The following PRRX1 variants were observed in gnomAD, a reference collection of about 807,000 sequenced individuals.
PRRX1 encodes paired mesoderm homeobox protein 1.
PRRX1 carries 8 observed loss-of-function variants against 24.0 expected under a neutral mutation model. The ratio of observed to expected loss-of-function variants is 0.33; its 90% CI spans 0.20 to 0.60. PRRX1 has a LOEUF of 0.60. Among genes scored for constraint, PRRX1 ranks in the 20% least tolerant of loss-of-function variants. The probability of loss-of-function intolerance (pLI) is 0.82; values close to 1 mark genes in which losing one functional copy is unlikely to be tolerated. For synonymous variants in PRRX1, 160 were observed against 131.7 expected (o/e 1.22, Z -1.47); for missense variants, 281 against 322.4 (o/e 0.87, Z 0.98).
intron 1 of PRRX1, among the ~76,000 whole-genome samples, chr1:170,715,093 A>G (rs1046344890): frequency 6.6e-6 from 1 of 152,156 alleles, no homozygotes; most frequent in Admixed American, 6.5e-5. Context: ...TCAGACCACA[A>G]GGCTTTTTCC....
intron 1 of PRRX1, among the ~76,000 whole-genome samples, chr1:170,700,106 C>T (rs1414235390): frequency 6.6e-6 from 1 of 152,146 alleles, no homozygotes; most frequent in African/African-American, 2.4e-5. Context: ...TAAAAATGTC[C>T]TATGGCCTCC....
chr1:170,729,819 C>T (rs1655371397), intron 3 of PRRX1, among the ~76,000 whole-genome samples: 1 of 152,168 alleles, frequency 6.6e-6, no homozygotes, highest in South Asian at 2.1e-4. Context: ...TTAAAGGAAG[C>T]TTGTTTTTGG....
intron 1 of PRRX1, among the ~76,000 whole-genome samples, chr1:170,714,717 T>C (rs1036365823): frequency 1.4e-4 from 21 of 152,192 alleles, no homozygotes; most frequent in Non-Finnish European, 2.6e-4. Context: ...GATCACCACA[T>C]GCTGTCAGGT....
chr1:170,702,291 G>C (rs1053834319), intron 1 of PRRX1, among the ~76,000 whole-genome samples: 6 of 152,168 alleles, frequency 3.9e-5, no homozygotes, highest in African/African-American at 1.4e-4. Flanking sequence ...TTGGAGACTA[G>C]AACACTAGTT....
At chr1:170,702,297 T>C (rs1009595645) in intron 1 of PRRX1, among the ~76,000 whole-genome samples, 1 of 152,160 alleles carries the variant, frequency 6.6e-6, no homozygotes, top group Non-Finnish European at 1.5e-5. Flanking sequence ...ACTAGAACAC[T>C]AGTTGGAACT....
At chr1:170,699,693 A>G (rs1180184163) in intron 1 of PRRX1, among the ~76,000 whole-genome samples, 3 of 152,116 alleles carry the variant, frequency 2.0e-5, no homozygotes, top group Non-Finnish European at 2.9e-5. Flanking sequence ...AATGAAACAA[A>G]GCAACACAAA....
chr1:170,697,949 A>G (rs940644400), intron 1 of PRRX1, among the ~76,000 whole-genome samples: 5 of 151,356 alleles, frequency 3.3e-5, no homozygotes, highest in Non-Finnish European at 7.4e-5. Context: ...CATAATTTTT[A>G]ATACTGCATA....
intron 1 of PRRX1, among the ~76,000 whole-genome samples, chr1:170,674,799 G>A (rs1653259571): frequency 6.6e-6 from 1 of 151,654 alleles, no homozygotes; most frequent in Non-Finnish European, 1.5e-5. Context: ...TGTAATACAT[G>A]TTCATTTTTG....
Position 170,664,317 on chromosome 1 carries a change from C to T in PRRX1, c.99C>T (p.Asn33=). 1.9e-6 allele frequency: 3 copies of T among 1,613,930 alleles called. No individual in the cohort carries two copies. The highest frequency in any genetic ancestry group is 2.5e-6 in the Non-Finnish European group (3 of 1,179,934). ...GNLDTLQAKK[N]FSVSHLLDLE... is the part of the protein sequence containing the mutation. ...TCGACACCCTGCAGGCGAAAAAGAACTTCTCCGTCAGTCACCTGCTAGACC... is the reference window on the plus strand; with the variant it reads ...TCGACACCCTGCAGGCGAAAAAGAATTTCTCCGTCAGTCACCTGCTAGACC... Residue 33 remains asparagine, a synonymous_variant, in exon 1 of 4, where the codon AAC becomes AAT. Transcript: ENST00000239461.
At chr1:170,693,000 C>A (rs192408482) in intron 1 of PRRX1, among the ~76,000 whole-genome samples, 1 of 152,008 alleles carries the variant, frequency 6.6e-6, no homozygotes, top group African/African-American at 2.4e-5. Context: ...ATGTTAACAC[C>A]AGCATCTTGA....
chr1:170,733,751 C>CT (rs1265619879), intron 3 of PRRX1, among the ~76,000 whole-genome samples: 4 of 152,078 alleles, frequency 2.6e-5, no homozygotes, highest in Admixed American at 6.6e-5. Flanking sequence ...ATCCAATAGT[C>CT]TTTTTTTCTC....
At chr1:170,729,945 TGCTTCG>T (rs141513114) in intron 3 of PRRX1, among the ~76,000 whole-genome samples, 38 of 152,364 alleles carry the variant, frequency 2.5e-4, no homozygotes, top group African/African-American at 8.7e-4. Context: ...CTTTGCTTCG[TGCTTCG>T]TGGGTAGCAG....
chr1:170,734,166 A>C (rs1405844130), intron 3 of PRRX1, among the ~76,000 whole-genome samples: 2 of 152,032 alleles, frequency 1.3e-5, no homozygotes, highest in East Asian at 3.9e-4. Flanking sequence ...CCTTTCTATT[A>C]AGATAGTAAA....
At chr1:170,714,729 C>A (rs1390354386) in intron 1 of PRRX1, among the ~76,000 whole-genome samples, 1 of 152,072 alleles carries the variant, frequency 6.6e-6, no homozygotes, top group Non-Finnish European at 1.5e-5. Context: ...CTGTCAGGTC[C>A]CCATGCTTGA....
chr1:170,695,462 T>G (rs1654136640), intron 1 of PRRX1, among the ~76,000 whole-genome samples: 1 of 152,208 alleles, frequency 6.6e-6, no homozygotes, highest in African/African-American at 2.4e-5. Context: ...GTCATTTGTC[T>G]GTTGACATAC....
intron 1 of PRRX1, among the ~76,000 whole-genome samples, chr1:170,708,023 G>C (rs759071385): frequency 6.6e-6 from 1 of 152,060 alleles, no homozygotes; most frequent in Non-Finnish European, 1.5e-5. Context: ...TTCCTTTTCT[G>C]GTTATCATTT....
chr1:170,724,369 C>T (rs760699312), intron 2 of PRRX1, among the ~76,000 whole-genome samples: 10 of 152,134 alleles, frequency 6.6e-5, no homozygotes, highest in Non-Finnish European at 1.3e-4. Context: ...ATGCCTATGT[C>T]CTGAATGATA....
At chr1:170,728,960 C>A (rs909202669) in intron 3 of PRRX1, 1 of 152,176 alleles carries the variant, frequency 6.6e-6, no homozygotes, top group Non-Finnish European at 1.5e-5. Context: ...ACTATTATGT[C>A]AAGTTAGTTA....
chr1:170,717,198 T>C (rs1397800097), intron 1 of PRRX1, among the ~76,000 whole-genome samples: 1 of 152,244 alleles, frequency 6.6e-6, no homozygotes, highest in Non-Finnish European at 1.5e-5. Flanking sequence ...TTGCTGGAAT[T>C]GCTTCAGGTC....
Sources: gnomAD v4.1 joint callset for allele counts (sites outside exome capture counted in the v4.1 genomes callset) on GRCh38, gnomAD v4.1.1 for gene constraint, MANE v1.5 for transcripts, NCBI Gene and HGNC (gene_info 2026-07-23, HGNC 2026-07-21) for gene names.